NTM: variants seen among roughly 807,000 people sequenced by gnomAD.
NTM encodes IgLON family member 2.
Under a neutral mutation model 42.1 loss-of-function variants are expected in NTM, and 13 were observed. The observed-to-expected ratio is 0.31, with a 90% CI of 0.20 to 0.49. The LOEUF (loss-of-function observed/expected upper bound fraction) is 0.49, where lower values mean the gene tolerates loss of function less well. Ranked by LOEUF, NTM falls within the 20% of genes least tolerant of loss-of-function variation. The pLI, the probability that NTM is intolerant of heterozygous loss-of-function variation, is 0.99. For missense variants in NTM, 373 were observed against 452.8 expected (o/e 0.82, Z 1.60); for synonymous variants, 187 against 179.2 (o/e 1.04, Z -0.35).
chr11:132,243,382 C>A (rs556344368), intron 4 of NTM, among the ~76,000 whole-genome samples: 1 of 152,146 alleles, frequency 6.6e-6, no homozygotes, highest in Non-Finnish European at 1.5e-5. Flanking sequence ...TAGGCTATTT[C>A]GCATTATTGG....
chr11:132,226,677 C>T (rs201058532), intron 4 of NTM, among the ~76,000 whole-genome samples: 7 of 152,036 alleles, frequency 4.6e-5, no homozygotes, highest in Non-Finnish European at 8.8e-5. Flanking sequence ...CCAGTAAAGG[C>T]ATAAAGGTAT....
At chr11:131,876,271 G>C (rs1039985433) in intron 1 of NTM, among the ~76,000 whole-genome samples, 2 of 152,196 alleles carry the variant, frequency 1.3e-5, no homozygotes, top group African/African-American at 2.4e-5. Context: ...GTGCAGTGAG[G>C]CAGCAGCTGT....
At chr11:131,709,590 A>G (rs2076916145) in intron 1 of NTM, among the ~76,000 whole-genome samples, 1 of 152,208 alleles carries the variant, frequency 6.6e-6, no homozygotes, top group Non-Finnish European at 1.5e-5. Flanking sequence ...AGAGATGAGG[A>G]TAACCTTGGT....
rs554642737 is a variant in NTM at position 132,018,879 on chromosome 11, A to G, written c.167+107231A>G. On this transcript the variant is annotated intron_variant, in intron 2 of 8. Coordinates refer to ENST00000683400, the MANE Select transcript of NTM (RefSeq NM_001352005.2). ...TCTTTGCCGAAGATTTTTCATTGCT[A>G]ATTTAAATGCTTGATTTAGTTTTAT... Among the ~76,000 whole-genome samples, 95 of 152,082 alleles carry G rather than the reference A, an allele frequency of 6.2e-4. 1 individual carries two copies. The highest frequency in any genetic ancestry group is 2.3e-3 in the African/African-American group (94 of 41,570).
intron 1 of NTM, among the ~76,000 whole-genome samples, chr11:131,569,222 G>A (rs369013437): frequency 6.0e-5 from 9 of 150,284 alleles, no homozygotes; most frequent in African/African-American, 2.0e-4. Flanking sequence ...TTGGCTCACT[G>A]CAACCTCTGA....
chr11:132,310,157 G>C lies in NTM; in HGVS notation c.707G>C (p.Gly236Ala), dbSNP rs1190584941. The change falls in exon 6 of 9, where the codon GGA becomes GCA. Residue 236 changes from glycine (G) to alanine (A), a missense_variant. Physicochemically the swap from Gly to Ala is moderately conservative, Grantham distance 60. Coordinates refer to ENST00000683400, the MANE Select transcript of NTM (RefSeq NM_001352005.2). ...SEAKGTGVPVGQKGTLQCEAS... is the reference protein window; with the variant it reads ...SEAKGTGVPVAQKGTLQCEAS... Reference sequence around the variant, plus strand: ...GCCAAGGGTACAGGTGTCCCCGTGGGACAAAAGGGGACACTGCAGTGTGAA... The same window carrying C: ...GCCAAGGGTACAGGTGTCCCCGTGGCACAAAAGGGGACACTGCAGTGTGAA... 1 of 1,611,168 alleles carries C rather than the reference G, an allele frequency of 6.2e-7. No homozygotes were observed. Among genetic ancestry groups the C allele is most frequent in the Admixed American group, 1.7e-5 (1 of 59,608 alleles).
intron 1 of NTM, among the ~76,000 whole-genome samples, chr11:131,905,434 A>G (rs1425600145): frequency 6.6e-6 from 1 of 152,180 alleles, no homozygotes; most frequent in Admixed American, 6.5e-5. Flanking sequence ...AGGCTGTCAA[A>G]GAAGTTTCTG....
intron 1 of NTM, among the ~76,000 whole-genome samples, chr11:131,383,317 C>T (rs998282219): frequency 3.3e-5 from 5 of 152,172 alleles, no homozygotes; most frequent in South Asian, 2.1e-4. Flanking sequence ...AGGCATAGTT[C>T]CTGCACTCAG....
At chr11:131,890,158 C>CTTTCTCTGTA (rs1555167721) in intron 1 of NTM, among the ~76,000 whole-genome samples, 3 of 58,858 alleles carry the variant, frequency 5.1e-5, no homozygotes, top group African/African-American at 1.0e-4. Context: ...CTCTCTCTGT[C>CTTTCTCTGTA]TCTCTCTCTC....
chr11:132,137,495 C>G (rs748327243), intron 2 of NTM, among the ~76,000 whole-genome samples: 1 of 152,156 alleles, frequency 6.6e-6, no homozygotes, highest in Non-Finnish European at 1.5e-5. Context: ...CTTTCTTTCA[C>G]GAGGGCTTAT....
intron 2 of NTM, among the ~76,000 whole-genome samples, chr11:131,982,098 A>G (rs1441285090): frequency 6.6e-6 from 1 of 152,090 alleles, no homozygotes; most frequent in Non-Finnish European, 1.5e-5. Flanking sequence ...AGGAAAAAAA[A>G]AGAAACCGTG....
rs552396396 is a variant in NTM at position 131,566,818 on chromosome 11, A to G, written c.82+195930A>G. ...AGAGGGGGAAGAGGGAGTGAGAAAC[A>G]GAGACTTTTATAGCCTGCAGCCTCT... On this transcript the variant is annotated intron_variant, in intron 1 of 8. Transcript: ENST00000683400. Among the ~76,000 whole-genome samples the G allele has an allele frequency of 1.8e-3, 281 of 152,346 alleles. 1 individual carries two copies. Among genetic ancestry groups the G allele is most frequent in the Non-Finnish European group, 3.1e-3 (208 of 68,040 alleles).
At position 132,314,580 on chromosome 11, in the gene NTM, G is replaced by A. The variant is rs1257271005; in HGVS notation, c.811G>A (p.Val271Met). 1 of 1,613,470 alleles carries A rather than the reference G, an allele frequency of 6.2e-7. No homozygotes were observed. The highest frequency in any genetic ancestry group is 8.5e-7 in the Non-Finnish European group (1 of 1,179,710). Residue 271 changes from valine to methionine, a missense_variant, in exon 7 of 9, where the codon GTG becomes ATG. Val to Met is a conservative substitution (Grantham distance 21). Around this residue, in one of 3 missense-constraint regions of NTM, gnomAD observed 312 missense variants for 353.5 expected, o/e 0.88. Coordinates refer to ENST00000683400, the MANE Select transcript of NTM (RefSeq NM_001352005.2). ...RLIEGKKGVK[V>M]ENRPFLSKLI... Reference sequence around the variant, plus strand: ...GATTGAAGGAAAGAAAGGGGTGAAAGTGGAAAACAGACCTTTCCTCTCAAA... The same window carrying A: ...GATTGAAGGAAAGAAAGGGGTGAAAATGGAAAACAGACCTTTCCTCTCAAA...
At chr11:131,674,353 T>C (rs1358567992) in intron 1 of NTM, among the ~76,000 whole-genome samples, 1 of 152,190 alleles carries the variant, frequency 6.6e-6, no homozygotes, top group African/African-American at 2.4e-5. Flanking sequence ...GCTGGTATAG[T>C]AGGAAGAAAG....
intron 1 of NTM, among the ~76,000 whole-genome samples, chr11:131,707,419 G>A (rs1592644864): frequency 6.6e-6 from 1 of 151,998 alleles, no homozygotes; most frequent in Admixed American, 6.6e-5. Flanking sequence ...AGTTGCTTCT[G>A]TATCTTGATT....
At chr11:131,760,095 G>A (rs577264273) in intron 1 of NTM, among the ~76,000 whole-genome samples, 5 of 152,126 alleles carry the variant, frequency 3.3e-5, no homozygotes, top group Non-Finnish European at 5.9e-5. Flanking sequence ...GTCTTATTAA[G>A]TTGGGCAGAA....
At chr11:131,599,482 C>T (rs1769026344) in intron 1 of NTM, among the ~76,000 whole-genome samples, 1 of 152,244 alleles carries the variant, frequency 6.6e-6, no homozygotes, top group Non-Finnish European at 1.5e-5. Context: ...CAGTAAACGG[C>T]TCTGCCACAT....
chr11:131,505,250 A>G (rs1019355138), intron 1 of NTM, among the ~76,000 whole-genome samples: 3 of 152,222 alleles, frequency 2.0e-5, no homozygotes, highest in African/African-American at 7.2e-5. Flanking sequence ...TCTGTGGTCT[A>G]TGGTAACTAT....
chr11:131,485,712 T>C (rs1350069925), intron 1 of NTM, among the ~76,000 whole-genome samples: 1 of 152,206 alleles, frequency 6.6e-6, no homozygotes, highest in Non-Finnish European at 1.5e-5. Context: ...AGGATCAGAT[T>C]ATTCTCCAAC....
Sources: gnomAD v4.1 joint callset for allele counts (sites outside exome capture counted in the v4.1 genomes callset) on GRCh38, gnomAD v4.1.1 for gene constraint, gnomAD v4.1.1 regional missense constraint, MANE v1.5 for transcripts, NCBI Gene and HGNC (gene_info 2026-07-23, HGNC 2026-07-21) for gene names.